Variants in RSU1 observed in about 807,000 individuals in gnomAD.
The protein encoded by RSU1 is rsu-1.
RSU1 carries 26 observed loss-of-function variants against 31.1 expected under a neutral mutation model. That is an observed-to-expected ratio of 0.84 (90% CI 0.61 to 1.16). The LOEUF (loss-of-function observed/expected upper bound fraction) is 1.16. Among genes scored for constraint, RSU1 ranks in the 50% most tolerant of loss-of-function variants. RSU1 has a pLI of 0.00. For missense variants in RSU1, 320 were observed against 339.1 expected (o/e 0.94, Z 0.44); for synonymous variants, 164 against 136.3 (o/e 1.20, Z -1.41).
Position 16,693,811 on chromosome 10 carries a change from G to A in RSU1, c.731+1212C>T, listed in dbSNP as rs925570765. Among the ~76,000 whole-genome samples the A allele has an allele frequency of 1.2e-4, 19 of 152,072 alleles. No homozygotes were observed. The South Asian group carries it at 2.3e-3, about 18-fold the overall frequency. On this transcript the variant is annotated intron_variant, in intron 8 of 8. Transcript: ENST00000345264. The stretch of plus-strand genomic sequence containing the variant: ...CAGGCGCTTGAGGCTGCAGTGAGCC[G>A]TGATTGTGCCACTGCACTCCAGCCC...
At chr10:16,661,802 A>G (rs1226520848) in intron 8 of RSU1, among the ~76,000 whole-genome samples, 1 of 152,192 alleles carries the variant, frequency 6.6e-6, no homozygotes, top group Non-Finnish European at 1.5e-5. Context: ...AGTTCCTTAC[A>G]TGGGCATTGC....
At chr10:16,794,140 C>T (rs552532655) in intron 2 of RSU1, among the ~76,000 whole-genome samples, 2 of 152,262 alleles carry the variant, frequency 1.3e-5, no homozygotes, top group South Asian at 4.1e-4. Flanking sequence ...GACTCTCCAG[C>T]CTTTGGCCTT....
intron 7 of RSU1, among the ~76,000 whole-genome samples, chr10:16,749,649 GGGCATGTTTACTGA>G (rs1588510781): frequency 2.0e-5 from 3 of 152,188 alleles, no homozygotes; most frequent in Admixed American, 1.3e-4. Context: ...TCCCATCCTG[GGGCATGTTTACTGA>G]GGGGAAAGAG....
chr10:16,812,546 G>C (rs755563283), intron 2 of RSU1, among the ~76,000 whole-genome samples: 1 of 152,110 alleles, frequency 6.6e-6, no homozygotes, highest in Admixed American at 6.5e-5. Flanking sequence ...AAAGAAGGTC[G>C]ACATGGATAG....
intron 8 of RSU1, among the ~76,000 whole-genome samples, chr10:16,629,546 T>C (rs1228713690): frequency 6.6e-6 from 1 of 152,036 alleles, no homozygotes; most frequent in Non-Finnish European, 1.5e-5. Context: ...CAAAGAAAAA[T>C]GAGATTTAAT....
intron 7 of RSU1, among the ~76,000 whole-genome samples, chr10:16,704,201 G>A (rs1023820567): frequency 2.6e-5 from 4 of 152,068 alleles, no homozygotes; most frequent in Non-Finnish European, 4.4e-5. Context: ...TTCTACAAAG[G>A]ATAAAAACCT....
intron 8 of RSU1, among the ~76,000 whole-genome samples, chr10:16,622,811 CAG>C (rs1347723678): frequency 6.6e-6 from 1 of 152,198 alleles, no homozygotes; most frequent in African/African-American, 2.4e-5. Flanking sequence ...AAGGAGCAAG[CAG>C]AGTCACAGAC....
Position 16,603,728 on chromosome 10 carries a change from T to C in RSU1, c.732-10232A>G, listed in dbSNP as rs531704978. Among the ~76,000 whole-genome samples the C allele has an allele frequency of 8.4e-4, 128 of 152,342 alleles. 1 individual carries two copies. The highest frequency in any genetic ancestry group is 2.0e-3 in the African/African-American group (83 of 41,584). On this transcript the variant is annotated intron_variant, in intron 8 of 8. Transcript: ENST00000345264. ...GGGCAATGGTAAGTTACTTCCCTGA[T>C]AGACTTCATACCTGGAGTGGATTTC...
intron 7 of RSU1, among the ~76,000 whole-genome samples, chr10:16,747,379 C>A (rs576901024): frequency 1.3e-5 from 2 of 152,206 alleles, no homozygotes; most frequent in African/African-American, 4.8e-5. Flanking sequence ...CTTAAGGCAT[C>A]TCAAATTTAA....
intron 8 of RSU1, among the ~76,000 whole-genome samples, chr10:16,665,309 C>T (rs1834967791): frequency 6.6e-6 from 1 of 152,088 alleles, no homozygotes; most frequent in Non-Finnish European, 1.5e-5. Flanking sequence ...CCAAGAAGAA[C>T]ACTATTATCA....
chr10:16,718,787 C>T (rs999225453), intron 7 of RSU1, among the ~76,000 whole-genome samples: 7 of 151,908 alleles, frequency 4.6e-5, no homozygotes, highest in African/African-American at 7.3e-5. Flanking sequence ...TCAAGACCAG[C>T]GTGGCCAACA....
chr10:16,633,977 A>ATTTC (rs2131493778), intron 8 of RSU1, among the ~76,000 whole-genome samples: 1 of 152,286 alleles, frequency 6.6e-6, no homozygotes, highest in East Asian at 1.9e-4. Context: ...TTAACCTGAA[A>ATTTC]GACAGATTAC....
rs529403693 is a variant in RSU1, at chr10:16,593,737, G to C, written c.732-241C>G. Among the ~76,000 whole-genome samples the C allele has an allele frequency of 3.9e-5, 6 of 152,316 alleles. No homozygotes were observed. The South Asian group carries it at 1.0e-3, about 26-fold the overall frequency. ...GTCTCTTGGGATTTCACACTCACTG[G>C]GAGAAGTGGTCAGGCCCTGCTCAGC... On this transcript the variant is annotated intron_variant, in intron 8 of 8. Transcript: ENST00000345264.
chr10:16,594,343 A>T (rs1030462398), intron 8 of RSU1, among the ~76,000 whole-genome samples: 2 of 151,594 alleles, frequency 1.3e-5, no homozygotes, highest in African/African-American at 4.8e-5. Flanking sequence ...TCCAGCATCC[A>T]CACAAGGAAT....
chr10:16,675,034 A>G (rs1251061453), intron 8 of RSU1, among the ~76,000 whole-genome samples: 6 of 151,982 alleles, frequency 3.9e-5, no homozygotes, highest in Non-Finnish European at 7.4e-5. Flanking sequence ...CCCTGTATCA[A>G]AAATAAATAA....
At chr10:16,729,842 G>C (rs1270311708) in intron 7 of RSU1, among the ~76,000 whole-genome samples, 2 of 152,172 alleles carry the variant, frequency 1.3e-5, no homozygotes, top group East Asian at 3.9e-4. Flanking sequence ...AATTGCTTTG[G>C]TCAATAGAGA....
At chr10:16,721,656 A>G (rs567179577) in intron 7 of RSU1, 2 of 152,368 alleles carry the variant, frequency 1.3e-5, no homozygotes, top group South Asian at 4.1e-4. Flanking sequence ...TATCACGCTC[A>G]TTCTCTTGCA....
intron 2 of RSU1, among the ~76,000 whole-genome samples, chr10:16,807,054 G>C (rs539143884): frequency 6.6e-6 from 1 of 152,250 alleles, no homozygotes; most frequent in South Asian, 2.1e-4. Flanking sequence ...AGTCAGGCTG[G>C]GATTACAGCA....
intron 7 of RSU1, among the ~76,000 whole-genome samples, chr10:16,750,559 C>T (rs984782942): frequency 6.6e-6 from 1 of 152,096 alleles, no homozygotes; most frequent in Non-Finnish European, 1.5e-5. Context: ...ATTTTTGTGG[C>T]AAATTACTGT....
Sources: allele counts gnomAD v4.1 joint callset (sites outside exome capture counted in the v4.1 genomes callset), GRCh38; gene constraint gnomAD v4.1.1; transcripts MANE v1.5; gene names NCBI Gene and HGNC (gene_info 2026-07-23, HGNC 2026-07-21).